Variants in TRIP4 observed in about 807,000 individuals in gnomAD.
TRIP4 encodes activating signal cointegrator 1.
Under a neutral mutation model 81.8 loss-of-function variants are expected in TRIP4, and 54 were observed. That is an observed-to-expected ratio of 0.66 (90% confidence interval 0.53 to 0.83). The LOEUF (loss-of-function observed/expected upper bound fraction) is 0.83, where lower values mean the gene tolerates loss of function less well. TRIP4 is among the 40% of genes least tolerant of loss of function. TRIP4 has a pLI of 0.00. For synonymous variants in TRIP4, 270 were observed against 242.8 expected, an observed-to-expected ratio of 1.11 and a Z score of -1.04; for missense variants, 662 against 683.6, an observed-to-expected ratio of 0.97 and a Z score of 0.35.
intron 1 of TRIP4, among the ~76,000 whole-genome samples, chr15:64,391,301 C>T (rs980439567): frequency 7.9e-5 from 12 of 151,962 alleles, no homozygotes; most frequent in East Asian, 3.9e-4. Flanking sequence ...GGACTACAGG[C>T]GCGTGACACC....
chr15:64,439,432 A>G (rs1266041693), intron 11 of TRIP4, among the ~76,000 whole-genome samples: 1 of 151,886 alleles, frequency 6.6e-6, no homozygotes, highest in Non-Finnish European at 1.5e-5. Flanking sequence ...GAATGCCTAC[A>G]GCAAATATAT....
intron 3 of TRIP4, 45 bp from the exon 4 acceptor site, chr15:64,397,561 T>G: frequency 1.3e-6 from 2 of 1,583,432 alleles, no homozygotes; most frequent in African/African-American, 1.3e-5. Flanking sequence ...ACTTTTTACA[T>G]TGTCATTAAT....
intron 9 of TRIP4, 57 bp downstream of exon 9, chr15:64,418,785 T>G: frequency 6.8e-7 from 1 of 1,461,258 alleles, no homozygotes; most frequent in South Asian, 1.4e-5. Context: ...TAAATTTAAT[T>G]TAGAAATATG....
At chr15:64,444,435 A>C (rs566642485) in intron 11 of TRIP4, among the ~76,000 whole-genome samples, 2 of 152,354 alleles carry the variant, frequency 1.3e-5, no homozygotes, top group East Asian at 3.9e-4. Flanking sequence ...AATAATTTTC[A>C]GAATTGCTCT....
intron 1 of TRIP4, among the ~76,000 whole-genome samples, chr15:64,390,851 C>G (rs370186435): frequency 2.6e-5 from 4 of 151,794 alleles, no homozygotes; most frequent in African/African-American, 9.7e-5. Context: ...GCCAATATCT[C>G]ACCACTGCAC....
In TRIP4 at chr15:64,395,890, G is replaced by A. The variant is rs563575363; in HGVS notation, c.405+359G>A. 1.5e-4 allele frequency among the ~76,000 whole-genome samples: 22 copies of A among 149,740 alleles called. No homozygotes were observed. The East Asian group carries it at 3.2e-3, about 22-fold the overall frequency. ...CGAATAGCTGGGACTACAGGCATGCGCCACCATACCCAGCTAATTTTCTTT... is the reference window on the plus strand; with the variant it reads ...CGAATAGCTGGGACTACAGGCATGCACCACCATACCCAGCTAATTTTCTTT... On this transcript the variant is annotated intron_variant, in intron 3 of 12. Coordinates refer to ENST00000261884, the MANE Select transcript of TRIP4 (RefSeq NM_016213.5).
At chr15:64,410,441 T>G (rs1477084483) in intron 7 of TRIP4, among the ~76,000 whole-genome samples, 1 of 152,210 alleles carries the variant, frequency 6.6e-6, no homozygotes, top group Non-Finnish European at 1.5e-5. Context: ...CATGGGTGTG[T>G]GTATATATGT....
rs779142596 is a variant in TRIP4, at chr15:64,414,216, G to C, written c.1170+5G>C. ...ATGTACCAGTCCCCTCCCCAGGTTAGTGGACCTTTGCTCTAACTGTTAATA... is the reference window on the plus strand; with the variant it reads ...ATGTACCAGTCCCCTCCCCAGGTTACTGGACCTTTGCTCTAACTGTTAATA... On this transcript the variant is annotated splice_donor_5th_base_variant and intron_variant, in intron 8 of 12. Transcript: ENST00000261884. The C allele has an allele frequency of 3.1e-5, 50 of 1,613,678 alleles. No homozygotes were observed. Among genetic ancestry groups the C allele is most frequent in the Middle Eastern group, 1.6e-4 (1 of 6,082 alleles).
At chr15:64,409,898 G>A in intron 7 of TRIP4, 70 bp downstream of exon 7, 2 of 1,368,420 alleles carry the variant, frequency 1.5e-6, no homozygotes, top group Non-Finnish European at 2.0e-6. Context: ...TCCCTTTCTA[G>A]TGGATCTTTT....
At chr15:64,413,476 CT>C (rs1891815627) in intron 7 of TRIP4, among the ~76,000 whole-genome samples, 1 of 152,182 alleles carries the variant, frequency 6.6e-6, no homozygotes, top group African/African-American at 2.4e-5. Context: ...CACTCCTGGC[CT>C]CTAGGCAGCT....
At chr15:64,444,967 TC>T (rs1892591062) in intron 11 of TRIP4, 38 bp from the exon 12 acceptor site, 1 of 1,118,090 alleles carries the variant, frequency 8.9e-7, no homozygotes, top group African/African-American at 1.6e-5. Context: ...TCAAAGCTTG[TC>T]CCAACTATCC....
At chr15:64,392,837 A>G (rs1900174471) in intron 1 of TRIP4, among the ~76,000 whole-genome samples, 1 of 151,342 alleles carries the variant, frequency 6.6e-6, no homozygotes, top group African/African-American at 2.4e-5. Context: ...CTGGTCTCAA[A>G]CTCCTGGGCC....
In TRIP4 at chr15:64,426,654, C is replaced by T. The variant is rs1381628824; in HGVS notation, c.1575+1023C>T. 2.7e-4 allele frequency among the ~76,000 whole-genome samples: 39 copies of T among 144,920 alleles called. 1 individual carries two copies. Among genetic ancestry groups the T allele is most frequent in the African/African-American group, 1.0e-3 (39 of 39,028 alleles). On this transcript the variant is annotated intron_variant, in intron 11 of 12. Transcript: ENST00000261884. The stretch of plus-strand genomic sequence containing the variant: ...GGCAGAGGTTGCAGTGAGCTGAGAT[C>T]GTGCCACTGCACTCCAGCCTGGGCG...
intron 1 of TRIP4, among the ~76,000 whole-genome samples, chr15:64,392,358 G>A (rs1900160943): frequency 6.6e-6 from 1 of 152,142 alleles, no homozygotes; most frequent in African/African-American, 2.4e-5. Context: ...AGTTTTGCAA[G>A]TCTTTGATAG....
At chr15:64,445,667 C>CAAACA (rs1555412111) in intron 12 of TRIP4, among the ~76,000 whole-genome samples, 2,200 of 78,044 alleles carry the variant, frequency 0.028, 105 homozygotes, top group African/African-American at 0.12. Context: ...CACTCAGTCT[C>CAAACA]AAAAAAAAAA....
At chr15:64,399,135 G>C (rs1218869396) in intron 4 of TRIP4, among the ~76,000 whole-genome samples, 1 of 151,632 alleles carries the variant, frequency 6.6e-6, no homozygotes, top group Admixed American at 6.6e-5. Flanking sequence ...ATTTTTAGTA[G>C]AGACAGGGTT....
At chr15:64,450,026 CTAAG>C (rs906441819) in intron 12 of TRIP4, among the ~76,000 whole-genome samples, 18 of 152,154 alleles carry the variant, frequency 1.2e-4, no homozygotes, top group African/African-American at 2.4e-4. Flanking sequence ...AATACAGAAA[CTAAG>C]TGTTACACCC....
chr15:64,437,475 A>G (rs1892427202), intron 11 of TRIP4, among the ~76,000 whole-genome samples: 1 of 151,532 alleles, frequency 6.6e-6, no homozygotes, highest in African/African-American at 2.4e-5. Flanking sequence ...TCTAAAGATA[A>G]TCATATGAAG....
At chr15:64,393,367 C>T (rs1900192422) in intron 1 of TRIP4, 1 of 151,368 alleles carries the variant, frequency 6.6e-6, no homozygotes, top group Non-Finnish European at 1.5e-5. Context: ...CCGTGTTAGC[C>T]AGGATGGTCT....
Sources: allele counts gnomAD v4.1 joint callset (sites outside exome capture counted in the v4.1 genomes callset), GRCh38; gene constraint gnomAD v4.1.1; transcripts MANE v1.5; gene names NCBI Gene and HGNC (gene_info 2026-07-23, HGNC 2026-07-21).